Variants in LVRN observed in about 807,000 individuals in gnomAD.
The protein encoded by LVRN is laeverin, also known as aminopeptidase Q.
A neutral mutation model predicts 111.4 loss-of-function variants in LVRN; 99 were observed. The ratio of observed to expected loss-of-function variants is 0.89; its 90% confidence interval spans 0.76 to 1.05. The LOEUF (loss-of-function observed/expected upper bound fraction) is 1.05, where lower values mean the gene tolerates loss of function less well. LVRN is among the 50% of genes least tolerant of loss of function. LVRN has a pLI of 0.00. For synonymous variants in LVRN, 488 were observed against 449.5 expected (o/e 1.09, Z -1.08); for missense variants, 1,414 against 1,206.8 (o/e 1.17, Z -2.54).
Position 116,000,451 on chromosome 5 carries a change from A to T in LVRN, c.1534A>T (p.Met512Leu). The change falls in exon 8 of 20, where the codon ATG (methionine) becomes TTG (leucine). Residue 512 changes from methionine (M) to leucine (L), a missense_variant. Met to Leu is a conservative substitution (Grantham distance 15). Transcript: ENST00000357872. ...TYSKGASMAR[M>L]LSCFLNEHLF... ...GTCCTAGGGAGCGTCTATGGCCCGG[A>T]TGCTTTCTTGTTTCTTGAATGAGCA... The T allele has an allele frequency of 1.2e-6, 2 of 1,614,088 alleles. No individual in the cohort carries two copies. Among genetic ancestry groups the T allele is most frequent in the Non-Finnish European group, 1.7e-6 (2 of 1,179,998 alleles).
chr5:115,982,606 G>A (rs6594927), intron 1 of LVRN, among the ~76,000 whole-genome samples: 110,165 of 151,960 alleles, frequency 0.72, 40,547 homozygotes, highest in East Asian at 0.95. Context: ...TAAACCTGAC[G>A]TCTTCTCGTC....
chr5:115,981,169 A>G (rs1054608793), intron 1 of LVRN, among the ~76,000 whole-genome samples: 3 of 152,178 alleles, frequency 2.0e-5, no homozygotes, highest in African/African-American at 7.2e-5. Flanking sequence ...CCAAAACCAT[A>G]AAACAAATGC....
Position 115,962,596 on chromosome 5 carries a change from G to T in LVRN, c.-22G>T. On this transcript the variant is annotated 5_prime_UTR_variant, in exon 1 of 20. Coordinates refer to ENST00000357872, the MANE Select transcript of LVRN (RefSeq NM_173800.5). ...GCCACAGTCTCTGAGCTCCAGCCTC[G>T]CGCCTGAACCCGGTCCCTGCCATGG... 1.3e-6 allele frequency: 2 copies of T among 1,580,448 alleles called. No individual in the cohort carries two copies. Among genetic ancestry groups the T allele is most frequent in the Non-Finnish European group, 1.7e-6 (2 of 1,166,016 alleles).
intron 19 of LVRN, among the ~76,000 whole-genome samples, chr5:116,022,922 C>T (rs527891956): frequency 2.1e-4 from 32 of 152,330 alleles, no homozygotes; most frequent in Admixed American, 7.2e-4. Flanking sequence ...GCAAGAGAGA[C>T]GGACAGACAC....
intron 4 of LVRN, among the ~76,000 whole-genome samples, chr5:115,990,946 A>T (rs1002030593): frequency 6.6e-6 from 1 of 152,138 alleles, no homozygotes; most frequent in African/African-American, 2.4e-5. Flanking sequence ...AAATACAGAG[A>T]GTTCCCATAT....
chr5:116,000,576 CT>C lies in LVRN; in HGVS notation c.1582-13del. 6.2e-7 allele frequency: 1 copy of C among 1,613,632 alleles called. No individual in the cohort carries two copies. Among genetic ancestry groups the C allele is most frequent in the Non-Finnish European group, 8.5e-7 (1 of 1,179,624 alleles). On this transcript the variant is annotated splice_polypyrimidine_tract_variant and intron_variant, in intron 8 of 19. Transcript: ENST00000357872. ...GGCATGCTATTTATTTTAACCTTAA[CT>C]TTTCTATTTTTACAGTCATATTTGA...
intron 3 of LVRN, among the ~76,000 whole-genome samples, chr5:115,985,063 C>A (rs1747826049): frequency 6.6e-6 from 1 of 152,126 alleles, no homozygotes; most frequent in Non-Finnish European, 1.5e-5. Context: ...GTGTACTTAG[C>A]CCAGGGTTAA....
intron 9 of LVRN, 41 bp from the exon 10 acceptor site, chr5:116,001,026 C>T (rs547924273): frequency 4.4e-5 from 69 of 1,553,198 alleles, no homozygotes; most frequent in Middle Eastern, 2.0e-4. Flanking sequence ...AAATGTTTCA[C>T]GGATAACCTT....
intron 10 of LVRN, among the ~76,000 whole-genome samples, chr5:116,002,349 T>C (rs760970828): frequency 6.6e-6 from 1 of 152,228 alleles, no homozygotes; most frequent in Non-Finnish European, 1.5e-5. Context: ...AATGCAGACA[T>C]TGAATAAATG....
At chr5:115,998,916 G>C (rs1013601910) in intron 6 of LVRN, among the ~76,000 whole-genome samples, 1 of 152,184 alleles carries the variant, frequency 6.6e-6, no homozygotes, top group Non-Finnish European at 1.5e-5. Flanking sequence ...GGATTGATGA[G>C]AACATTGGCA....
intron 10 of LVRN, among the ~76,000 whole-genome samples, chr5:116,002,228 T>G (rs954363023): frequency 1.3e-5 from 2 of 152,190 alleles, no homozygotes; most frequent in African/African-American, 4.8e-5. Flanking sequence ...TGTGGGAACT[T>G]AACAAGATTG....
chr5:115,984,730 A>T, intron 3 of LVRN, 21 bp downstream of exon 3: 2 of 1,612,718 alleles, frequency 1.2e-6, no homozygotes, highest in Non-Finnish European at 1.7e-6. Flanking sequence ...AAGATTCTGT[A>T]GGTAAGGGAG....
intron 1 of LVRN, among the ~76,000 whole-genome samples, chr5:115,971,171 A>T (rs1753317346): frequency 6.6e-6 from 1 of 152,202 alleles, no homozygotes; most frequent in Admixed American, 6.5e-5. Flanking sequence ...AAAATGTCTG[A>T]TAAAATCTTC....
Position 115,962,778 on chromosome 5 carries a change from T to C in LVRN, c.161T>C (p.Leu54Ser), listed in dbSNP as rs12520255. The stretch of plus-strand genomic sequence containing the variant: ...TCGGAGCTGCCTGGACTCAGGGACT[T>C]GGAAGCCGAGTCTTCCCCTCCCCTC... Reference protein sequence around the residue: ...PPSELPGLRDLEAESSPPLRQ... With the variant: ...PPSELPGLRDSEAESSPPLRQ... Residue 54 changes from leucine (L) to serine (S), a missense_variant, in exon 1 of 20, where the codon TTG (leucine) becomes TCG (serine). Coordinates refer to ENST00000357872, the MANE Select transcript of LVRN (RefSeq NM_173800.5). The C allele has an allele frequency of 0.8, 1,288,945 of 1,610,624 alleles. 517,701 individuals carry two copies. The highest frequency in any genetic ancestry group is 0.85 in the African/African-American group (63,360 of 74,868).
intron 6 of LVRN, among the ~76,000 whole-genome samples, chr5:115,998,787 T>G (rs142926523): frequency 8.5e-5 from 13 of 152,316 alleles, no homozygotes; most frequent in African/African-American, 3.1e-4. Context: ...TCCTTCTTCA[T>G]GTTAAAATTT....
chr5:116,000,955 A>G (rs1344743373), intron 9 of LVRN, 112 bp from the exon 10 acceptor site: 7 of 1,214,656 alleles, frequency 5.8e-6, no homozygotes, highest in Middle Eastern at 5.8e-4. Context: ...CCACTGCAGG[A>G]CTACTACATA....
rs141887230 is a variant in LVRN, at chr5:115,987,860, C to G, written c.1026C>G (p.Asp342Glu). The change falls in exon 4 of 20, where the codon GAC becomes GAG. Residue 342 changes from aspartate (D) to glutamate (E), a missense_variant. Physicochemically the swap from Asp to Glu is conservative, Grantham distance 45 (BLOSUM62 2). Coordinates refer to ENST00000357872, the MANE Select transcript of LVRN (RefSeq NM_173800.5). ...ATGCAATTGCAAATGGAAGTGCAGACTTTGCTTTGAACATCACAGGTCCCA... is the reference window on the plus strand; with the variant it reads ...ATGCAATTGCAAATGGAAGTGCAGAGTTTGCTTTGAACATCACAGGTCCCA... ...RKDAIANGSA[D>E]FALNITGPIF... 541 of 1,613,338 alleles carry G rather than the reference C, an allele frequency of 3.4e-4. 1 individual carries two copies. The African/African-American group carries it at 6.5e-3, about 19-fold the overall frequency.
chr5:115,966,084 G>A (rs887829138), intron 1 of LVRN, among the ~76,000 whole-genome samples: 3 of 152,216 alleles, frequency 2.0e-5, no homozygotes, highest in Admixed American at 1.3e-4. Flanking sequence ...TCAAGAATTT[G>A]ACATTGGTAC....
At chr5:115,967,159 T>C (rs1034597309) in intron 1 of LVRN, among the ~76,000 whole-genome samples, 4 of 152,202 alleles carry the variant, frequency 2.6e-5, no homozygotes, top group Non-Finnish European at 5.9e-5. Flanking sequence ...TACTTTAATT[T>C]TGATGAAGTC....
Sources: allele counts gnomAD v4.1 joint callset (sites outside exome capture counted in the v4.1 genomes callset), GRCh38; gene constraint gnomAD v4.1.1; transcripts MANE v1.5; gene names NCBI Gene and HGNC (gene_info 2026-07-23, HGNC 2026-07-21).